Variants in HIBCH observed in about 807,000 individuals in gnomAD.
The protein encoded by HIBCH is 3-hydroxyisobutyryl-CoA hydrolase, mitochondrial.
In HIBCH, 50 loss-of-function variants were observed where a neutral mutation model predicts 58.2. That is an observed-to-expected ratio of 0.86 (90% confidence interval 0.68 to 1.09). The LOEUF (loss-of-function observed/expected upper bound fraction) is 1.09, where lower values mean the gene tolerates loss of function less well. Ranked by LOEUF, HIBCH falls within the 50% of genes least tolerant of loss-of-function variation. The pLI is 0.00. For missense variants in HIBCH, 450 were observed against 449.7 expected (o/e 1.00, Z -0.01); for synonymous variants, 151 against 146.9 (o/e 1.03, Z -0.20).
chr2:190,217,673 T>A lies in HIBCH; in HGVS notation c.892-4598A>T, dbSNP rs1685598355. ...CGAACCCTGCCTCTTGAGTTCACAG[T>A]TCACCACTTCCAGGCTGGCAACTCG... On this transcript the variant is annotated intron_variant, in intron 11 of 13. Transcript: ENST00000359678. The surrounding 1 kb of genome is among the most constrained non-coding windows in gnomAD (Gnocchi z 4.6). Among the ~76,000 whole-genome samples the A allele has an allele frequency of 6.6e-6, 1 of 152,126 alleles. No individual in the cohort carries two copies. The highest frequency in any genetic ancestry group is 6.5e-5 in the Admixed American group (1 of 15,276).
At chr2:190,314,953 CCTT>C (rs903061142) in intron 1 of HIBCH, among the ~76,000 whole-genome samples, 1 of 151,574 alleles carries the variant, frequency 6.6e-6, no homozygotes, top group Non-Finnish European at 1.5e-5. Context: ...CCTCTCCGCT[CCTT>C]TTTTTTTTTG....
intron 7 of HIBCH, among the ~76,000 whole-genome samples, chr2:190,258,547 T>A (rs1284888452): frequency 6.6e-6 from 1 of 152,234 alleles, no homozygotes; most frequent in Non-Finnish European, 1.5e-5. Flanking sequence ...ATTCTATTTG[T>A]CTATGCACAG....
intron 11 of HIBCH, among the ~76,000 whole-genome samples, chr2:190,244,581 A>G (rs1168311117): frequency 6.6e-6 from 1 of 152,158 alleles, no homozygotes; most frequent in Non-Finnish European, 1.5e-5. Context: ...TGTCCCTAAA[A>G]CCTTCCTCCA....
chr2:190,298,783 A>T (rs935795902), intron 2 of HIBCH, among the ~76,000 whole-genome samples: 3 of 151,912 alleles, frequency 2.0e-5, no homozygotes, highest in Non-Finnish European at 4.4e-5. Context: ...CTTTTGTTGC[A>T]ATTGCTTTTG....
At chr2:190,221,472 A>C (rs1299541255) in intron 11 of HIBCH, among the ~76,000 whole-genome samples, 2 of 152,230 alleles carry the variant, frequency 1.3e-5, no homozygotes, top group Non-Finnish European at 2.9e-5. Context: ...GTTTAATCAC[A>C]ATCTGGGAAA....
chr2:190,204,873 A>C lies in HIBCH; in HGVS notation c.*244T>G. On this transcript the variant is annotated 3_prime_UTR_variant, in exon 14 of 14. Transcript: ENST00000359678. ...CATCTCTATTGCAACTACTCATTTC[A>C]AAGCAGCCACAGATAATATATAAAC... 2.2e-6 allele frequency: 1 copy of C among 449,492 alleles called. No individual in the cohort carries two copies. The highest frequency in any genetic ancestry group is 4.2e-5 in the East Asian group (1 of 23,882). The allele number at this position is 449,492 out of a possible 1,614,324, so 27.8% of individuals were successfully genotyped here.
At chr2:190,195,551 TAAG>T (rs1689930343) in intron 1 of HIBCH, among the ~76,000 whole-genome samples, 2 of 152,242 alleles carry the variant, frequency 1.3e-5, no homozygotes, top group Non-Finnish European at 2.9e-5. Flanking sequence ...CACCTATATG[TAAG>T]AAGACTTCCG....
chr2:190,270,899 T>C lies in HIBCH; in HGVS notation c.439-9665A>G, dbSNP rs144707428. The stretch of plus-strand genomic sequence containing the variant: ...TTTTAATGGACTAACACATAGAGAT[T>C]AGCACCAAACAGATTTTTTTTACCC... On this transcript the variant is annotated intron_variant, in intron 6 of 13. Coordinates refer to ENST00000359678, the MANE Select transcript of HIBCH (RefSeq NM_014362.4). 6.8e-3 allele frequency among the ~76,000 whole-genome samples: 1,028 copies of C among 152,190 alleles called. 13 individuals are homozygous for C. The highest frequency in any genetic ancestry group is 0.023 in the African/African-American group (935 of 41,486).
downstream of HIBCH, chr2:190,200,536 T>A (rs1690200737): frequency 5.4e-6 from 1 of 183,930 alleles, no homozygotes; most frequent in South Asian, 1.5e-4. Context: ...CCAAAAAAAG[T>A]CCAGATATGA....
At chr2:190,270,457 A>G (rs1348105735) in intron 6 of HIBCH, among the ~76,000 whole-genome samples, 1 of 152,176 alleles carries the variant, frequency 6.6e-6, no homozygotes, top group Non-Finnish European at 1.5e-5. Flanking sequence ...GAAGACAAAA[A>G]ACTCAGAAAG....
intron 5 of HIBCH, among the ~76,000 whole-genome samples, chr2:190,289,348 ATTTAT>A (rs1687908309): frequency 6.6e-6 from 1 of 152,158 alleles, no homozygotes; most frequent in Non-Finnish European, 1.5e-5. Context: ...CAAAAACTGA[ATTTAT>A]TTTTCCAACT....
intron 7 of HIBCH, chr2:190,260,539 C>T (rs946361969): frequency 2.0e-5 from 3 of 152,056 alleles, no homozygotes; most frequent in Non-Finnish European, 4.4e-5. Flanking sequence ...AGATAAAGAA[C>T]CTATATAGCC....
At chr2:190,246,049 C>T in intron 10 of HIBCH, 105 bp downstream of exon 10, 1 of 685,408 alleles carries the variant, frequency 1.5e-6, no homozygotes, top group Non-Finnish European at 2.6e-6. Context: ...GAATTCAGTG[C>T]ACTATCAAAC....
chr2:190,287,697 TA>T (rs537136261), intron 5 of HIBCH, 59 bp from the exon 6 acceptor site: 229 of 1,288,594 alleles, frequency 1.8e-4, no homozygotes, highest in African/African-American at 9.0e-4. Flanking sequence ...CCCTTTTTCT[TA>T]AAAAAAAACC....
chr2:190,316,794 A>T (rs1688717579), intron 1 of HIBCH, among the ~76,000 whole-genome samples: 1 of 152,236 alleles, frequency 6.6e-6, no homozygotes, highest in Non-Finnish European at 1.5e-5. Flanking sequence ...ACTAAGAAAC[A>T]ACTAACTAGA....
At chr2:190,296,767 A>ATACT in intron 3 of HIBCH, 46 bp downstream of exon 3, 1 of 1,513,184 alleles carries the variant, frequency 6.6e-7, no homozygotes, top group Non-Finnish European at 9.2e-7. Flanking sequence ...CTATTATGAT[A>ATACT]TACTTTGAAA....
chr2:190,260,628 A>G (rs1378018148), intron 7 of HIBCH: 1 of 153,116 alleles, frequency 6.5e-6, no homozygotes, highest in African/African-American at 2.4e-5. Context: ...ATAAAGCAAC[A>G]CTAACCAAGA....
At chr2:190,291,751 C>T (rs1477491245) in intron 4 of HIBCH, among the ~76,000 whole-genome samples, 1 of 152,160 alleles carries the variant, frequency 6.6e-6, no homozygotes, top group Non-Finnish European at 1.5e-5. Flanking sequence ...TTCTATTACC[C>T]AGAGTTCACA....
chr2:190,210,449 C>T lies in HIBCH; in HGVS notation c.1012-1536G>A, dbSNP rs112794741. On this transcript the variant is annotated intron_variant, in intron 12 of 13. Coordinates refer to ENST00000359678, the MANE Select transcript of HIBCH (RefSeq NM_014362.4). The surrounding 1 kb of genome is among the most constrained non-coding windows in gnomAD (Gnocchi z 5.5). ...TACCACACCTCAAAATGTTAGAGTT[C>T]CTTAGGGCTCAGGTCTGGACTCTCA... Among the ~76,000 whole-genome samples the T allele has an allele frequency of 6.0e-3, 906 of 152,230 alleles. 5 individuals carry two copies. The highest frequency in any genetic ancestry group is 0.021 in the African/African-American group (858 of 41,528).
Sources: allele counts gnomAD v4.1 joint callset (sites outside exome capture counted in the v4.1 genomes callset), GRCh38; gene constraint gnomAD v4.1.1; non-coding constraint Gnocchi (gnomAD v3.1); transcripts MANE v1.5; gene names NCBI Gene and HGNC (gene_info 2026-07-23, HGNC 2026-07-21).